MIER1: variants seen among roughly 807,000 people sequenced by gnomAD.
MIER1 encodes MIER1 transcriptional regulator, also known as mesoderm induction early response protein 1.
A neutral mutation model predicts 75.7 loss-of-function variants in MIER1; 40 were observed. The ratio of observed to expected loss-of-function variants is 0.53; its 90% confidence interval spans 0.41 to 0.69. The LOEUF (loss-of-function observed/expected upper bound fraction) is 0.69, where lower values mean the gene tolerates loss of function less well. Among genes scored for constraint, MIER1 ranks in the 30% least tolerant of loss-of-function variants. The probability of loss-of-function intolerance (pLI) is 0.00; values close to 1 mark genes in which losing one functional copy is unlikely to be tolerated. For missense variants in MIER1, 574 were observed against 680.2 expected, an observed-to-expected ratio of 0.84 and a Z score of 1.74; for synonymous variants, 213 against 223.4, an observed-to-expected ratio of 0.95 and a Z score of 0.42.
chr1:66,984,429 G>C, intron 13 of MIER1, 143 bp from the exon 14 acceptor site: 2 of 581,458 alleles, frequency 3.4e-6, no homozygotes, highest in Non-Finnish European at 5.9e-6. Context: ...AGGCGACATA[G>C]CTTATAAGTA....
intron 4 of MIER1, among the ~76,000 whole-genome samples, chr1:66,957,110 A>T (rs1018207032): frequency 6.6e-6 from 1 of 152,168 alleles, no homozygotes; most frequent in Non-Finnish European, 1.5e-5. Context: ...ATGAGTGTAT[A>T]ATATGTTCAC....
chr1:66,970,206 C>CT (rs1663320723), intron 8 of MIER1, among the ~76,000 whole-genome samples: 1 of 152,022 alleles, frequency 6.6e-6, no homozygotes, highest in South Asian at 2.1e-4. Context: ...ACTTAAATAC[C>CT]TTTAAAAAAG....
intron 4 of MIER1, among the ~76,000 whole-genome samples, chr1:66,955,763 T>G (rs1660000112): frequency 6.6e-6 from 1 of 152,176 alleles, no homozygotes. Flanking sequence ...GTTTTTTTCC[T>G]TTTGGGGCCC....
intron 12 of MIER1, among the ~76,000 whole-genome samples, chr1:66,979,466 G>A (rs924096448): frequency 6.6e-6 from 1 of 152,106 alleles, no homozygotes; most frequent in Admixed American, 6.5e-5. Context: ...GCTACACATT[G>A]TCCCTATTTA....
At chr1:66,969,406 A>G (rs968938120) in intron 8 of MIER1, among the ~76,000 whole-genome samples, 2 of 151,876 alleles carry the variant, frequency 1.3e-5, no homozygotes, top group Admixed American at 1.3e-4. Context: ...CTAGCCAGGT[A>G]TGGTGGCACA....
chr1:66,948,040 G>A, intron 4 of MIER1: 1 of 975,780 alleles, frequency 1.0e-6, no homozygotes, highest in Non-Finnish European at 1.2e-6. Flanking sequence ...CCTATTCAAT[G>A]CTTTCTTTAG....
chr1:66,981,717 A>T, intron 12 of MIER1, 62 bp from the exon 13 acceptor site: 1 of 1,349,042 alleles, frequency 7.4e-7, no homozygotes. Context: ...TCTGAATTTA[A>T]CCTCAACTAA....
chr1:66,968,415 T>A (rs1662862744), intron 8 of MIER1, among the ~76,000 whole-genome samples: 1 of 152,320 alleles, frequency 6.6e-6, no homozygotes. Context: ...ATATTTTTCA[T>A]CAGTTTTGTG....
chr1:66,935,562 A>C (rs1405097067), intron 2 of MIER1, among the ~76,000 whole-genome samples: 1 of 152,216 alleles, frequency 6.6e-6, no homozygotes, highest in Non-Finnish European at 1.5e-5. Flanking sequence ...TAATTCCACA[A>C]GATAATCAGT....
chr1:66,972,567 T>C (rs1036947916), intron 10 of MIER1, among the ~76,000 whole-genome samples: 1 of 151,958 alleles, frequency 6.6e-6, no homozygotes, highest in Non-Finnish European at 1.5e-5. Flanking sequence ...GAAATAATTC[T>C]AAGCAAAGGA....
intron 13 of MIER1, among the ~76,000 whole-genome samples, chr1:66,982,485 C>T (rs781538037): frequency 1.4e-4 from 21 of 152,134 alleles, no homozygotes; most frequent in Admixed American, 2.6e-4. Flanking sequence ...ATAGTGTTTC[C>T]GTTTAAAATA....
Position 66,986,586 on chromosome 1 carries a change from A to G in MIER1, c.*1686A>G, listed in dbSNP as rs1479599472. 16 of 847,616 alleles carry G rather than the reference A, an allele frequency of 1.9e-5. No individual in the cohort carries two copies. The Admixed American group carries it at 3.5e-4, about 18-fold the overall frequency. 52.5% of individuals were successfully genotyped at this position (847,616 alleles called of 1,614,324 possible). On this transcript the variant is annotated 3_prime_UTR_variant, in exon 14 of 14. Transcript: ENST00000401041. The stretch of plus-strand genomic sequence containing the variant: ...CCCCATGAAGTATTACTGTTAACAT[A>G]TGTTCGGACTGCTTCCCTTCACCAA...
intron 4 of MIER1, among the ~76,000 whole-genome samples, chr1:66,953,145 A>G (rs992949889): frequency 5.9e-5 from 9 of 152,228 alleles, no homozygotes; most frequent in South Asian, 2.1e-4. Context: ...GTCAGCTACT[A>G]TGGTCAAGGA....
chr1:66,935,357 T>C (rs1285677051), intron 2 of MIER1, among the ~76,000 whole-genome samples: 1 of 152,196 alleles, frequency 6.6e-6, no homozygotes, highest in Non-Finnish European at 1.5e-5. Flanking sequence ...CTAGAGTTTG[T>C]TTTTAATTTG....
intron 8 of MIER1, 88 bp downstream of exon 8, chr1:66,963,248 A>G: frequency 1.2e-6 from 1 of 828,864 alleles, no homozygotes; most frequent in South Asian, 1.5e-5. Context: ...TAAGAACATG[A>G]CAGCCTACTA....
At chr1:66,984,313 T>C (rs941427762) in intron 13 of MIER1, among the ~76,000 whole-genome samples, 8 of 152,224 alleles carry the variant, frequency 5.3e-5, no homozygotes, top group African/African-American at 1.9e-4. Context: ...TTTACATTTA[T>C]TAACTTATTT....
intron 2 of MIER1, chr1:66,930,539 T>G (rs3008861): frequency 0.81 from 685,447 of 843,648 alleles, 280,541 homozygotes; most frequent in East Asian, 0.91. Context: ...AACAGGCCAT[T>G]CTCTGGGCGG....
chr1:66,928,285 C>G (rs1396909122), intron 2 of MIER1, among the ~76,000 whole-genome samples: 1 of 152,066 alleles, frequency 6.6e-6, no homozygotes, highest in Non-Finnish European at 1.5e-5. Context: ...ATTTTCCTGA[C>G]AAGTTTAGGA....
At chr1:66,964,882 G>T (rs186047827) in intron 8 of MIER1, among the ~76,000 whole-genome samples, 101 of 152,192 alleles carry the variant, frequency 6.6e-4, no homozygotes, top group African/African-American at 2.4e-3. Flanking sequence ...TGTATTAATA[G>T]AAGTTTTTTG....
Sources: gnomAD v4.1 joint callset for allele counts (sites outside exome capture counted in the v4.1 genomes callset) on GRCh38, gnomAD v4.1.1 for gene constraint, MANE v1.5 for transcripts, NCBI Gene and HGNC (gene_info 2026-07-23, HGNC 2026-07-21) for gene names.